The following SLC38A1 variants were observed in gnomAD, a reference collection of about 807,000 sequenced individuals.
SLC38A1 encodes the protein sodium-coupled neutral amino acid symporter 1.
SLC38A1 carries 18 observed loss-of-function variants against 60.3 expected under a neutral mutation model. The observed-to-expected ratio is 0.30, with a 90% CI of 0.21 to 0.44. The LOEUF is 0.44. Among genes scored for constraint, SLC38A1 ranks in the 20% least tolerant of loss-of-function variants. The pLI, the probability that SLC38A1 is intolerant of heterozygous loss-of-function variation, is 1.00. For missense variants in SLC38A1, 448 were observed against 587.2 expected (o/e 0.76, Z 2.45); for synonymous variants, 196 against 212.1 (o/e 0.92, Z 0.66).
chr12:46,201,984 G>A (rs2137071086), intron 12 of SLC38A1, among the ~76,000 whole-genome samples: 1 of 151,556 alleles, frequency 6.6e-6, no homozygotes, highest in East Asian at 1.9e-4. Flanking sequence ...CCTGAGCTCA[G>A]GAGTTCAAGA....
intron 9 of SLC38A1, among the ~76,000 whole-genome samples, 156 bp downstream of exon 9, chr12:46,205,924 T>C (rs867245038): frequency 1.3e-5 from 2 of 152,062 alleles, no homozygotes; most frequent in African/African-American, 4.8e-5. Flanking sequence ...TTTTATCCCA[T>C]ATTAAAGTTG....
At position 46,239,917 on chromosome 12, in the gene SLC38A1, ATAAC is replaced by A. The variant is rs1163305358; in HGVS notation, c.-93-28_-93-25del. On this transcript the variant is annotated intron_variant, in intron 2 of 16. Coordinates refer to ENST00000398637, the MANE Select transcript of SLC38A1 (RefSeq NM_030674.4). ...CCCTAAAATATAGCAAAATAAAAAA[ATAAC>A]TAAACATATGAAACGCTACTGATTA... 34 of 845,720 alleles carry A rather than the reference ATAAC, an allele frequency of 4.0e-5. No homozygotes were observed. In the South Asian group the frequency reaches 4.7e-4, roughly 12 times the overall value. 52.4% of individuals were successfully genotyped at this position (845,720 alleles called of 1,614,324 possible).
At position 46,266,703 on chromosome 12, in the gene SLC38A1, G is replaced by C. The variant is rs192874601; in HGVS notation, c.-209+1823C>G. On this transcript the variant is annotated intron_variant, in intron 1 of 16. Coordinates refer to ENST00000398637, the MANE Select transcript of SLC38A1 (RefSeq NM_030674.4). ...CCTGAGAACGGAAGCTTCATAGAAG[G>C]TGAAACAAATCTTGTTAGTTGCTGC... Among the ~76,000 whole-genome samples, 3 of 152,216 alleles carry C rather than the reference G, an allele frequency of 2.0e-5. No individual in the cohort carries two copies. The East Asian group carries it at 5.8e-4, about 29-fold the overall frequency.
At chr12:46,256,634 C>CAGAGAGAGAGAG (rs538542582) in intron 1 of SLC38A1, among the ~76,000 whole-genome samples, 89 of 50,928 alleles carry the variant, frequency 1.7e-3, no homozygotes, top group Middle Eastern at 0.012. Context: ...CACACACACA[C>CAGAGAGAGAGAG]ACAGAGAGAG....
intron 5 of SLC38A1, among the ~76,000 whole-genome samples, chr12:46,210,875 T>C (rs1481156411): frequency 6.6e-6 from 1 of 152,166 alleles, no homozygotes; most frequent in Non-Finnish European, 1.5e-5. Context: ...AATGTCTTTA[T>C]CAGGAGCATG....
chr12:46,197,628 A>G, intron 16 of SLC38A1, 92 bp downstream of exon 16: 1 of 833,922 alleles, frequency 1.2e-6, no homozygotes, highest in Admixed American at 2.4e-5. Flanking sequence ...AAGGCAACTG[A>G]AAGTAGTCTT....
Position 46,198,073 on chromosome 12 carries a change from A to C in SLC38A1, c.1123-13T>G. ...AAGATGAACGAACCTGCAAGAAAAG[A>C]AAACAAAGATTCTGTAAGTGCCTAC... On this transcript the variant is annotated splice_polypyrimidine_tract_variant and intron_variant, in intron 14 of 16. Coordinates refer to ENST00000398637, the MANE Select transcript of SLC38A1 (RefSeq NM_030674.4). 1 of 1,612,660 alleles carries C rather than the reference A, an allele frequency of 6.2e-7. No homozygotes were observed. The highest frequency in any genetic ancestry group is 8.5e-7 in the Non-Finnish European group (1 of 1,179,576).
rs1938889071 is a variant in SLC38A1, at chr12:46,185,049, T to C, written c.*3921A>G. On this transcript the variant is annotated 3_prime_UTR_variant, in exon 17 of 17. Transcript: ENST00000398637. Reference sequence around the variant, plus strand: ...TCCCTAAAGCCTGGCTCCTGTATGTTGCACCATGAGTCCTAGGAATCATCT... The same window carrying C: ...TCCCTAAAGCCTGGCTCCTGTATGTCGCACCATGAGTCCTAGGAATCATCT... 6.6e-6 allele frequency: 1 copy of C among 152,164 alleles called. No individual in the cohort carries two copies. Among genetic ancestry groups the C allele is most frequent in the South Asian group, 2.1e-4 (1 of 4,822 alleles). The allele number at this position is 152,164 out of a possible 1,614,324, so 9.4% of individuals were successfully genotyped here. A position where few individuals can be genotyped will look rare whatever the true frequency, so the allele number is the denominator to read the frequency against.
intron 5 of SLC38A1, among the ~76,000 whole-genome samples, chr12:46,221,861 T>C (rs1341756394): frequency 6.6e-6 from 1 of 152,150 alleles, no homozygotes; most frequent in Non-Finnish European, 1.5e-5. Flanking sequence ...CCCTTCCACC[T>C]GGGAGGATCA....
At chr12:46,248,612 C>T (rs1221512178) in intron 1 of SLC38A1, among the ~76,000 whole-genome samples, 3 of 152,058 alleles carry the variant, frequency 2.0e-5, no homozygotes, top group Non-Finnish European at 4.4e-5. Context: ...GACAGATCAA[C>T]GAGACAGAAG....
chr12:46,224,207 C>T (rs781407797), intron 5 of SLC38A1, among the ~76,000 whole-genome samples: 81 of 152,148 alleles, frequency 5.3e-4, no homozygotes, highest in Admixed American at 1.3e-3. Flanking sequence ...GGTACTTGTG[C>T]CTCAGTACAT....
At chr12:46,191,359 A>G (rs10467212) in intron 16 of SLC38A1, among the ~76,000 whole-genome samples, 81,679 of 151,982 alleles carry the variant, frequency 0.54, 23,482 homozygotes, top group African/African-American at 0.76. Context: ...GTTTGAAGTC[A>G]GGTAGCATGA....
rs527865158 is a variant in SLC38A1, at chr12:46,183,232, C to T, written c.*5738G>A. 1 of 152,104 alleles carries T rather than the reference C, an allele frequency of 6.6e-6. No homozygotes were observed. Among genetic ancestry groups the T allele is most frequent in the East Asian group, 1.9e-4 (1 of 5,172 alleles). The allele number at this position is 152,104 out of a possible 1,614,324, so 9.4% of individuals were successfully genotyped here. On this transcript the variant is annotated 3_prime_UTR_variant, in exon 17 of 17. Coordinates refer to ENST00000398637, the MANE Select transcript of SLC38A1 (RefSeq NM_030674.4). ...GTGACTTGTGACTCACTTAAATCAC[C>T]CATCTGAAATTCATTTACAAGGTTT...
rs1592286399 is a variant in SLC38A1, at chr12:46,188,647, G to T, written c.*323C>A. On this transcript the variant is annotated 3_prime_UTR_variant, in exon 17 of 17. Transcript: ENST00000398637. ...ATAAATAAACATTATTGTATATCATGTTTTCAAAGTTCTAAGAGACCGGGA... is the reference window on the plus strand; with the variant it reads ...ATAAATAAACATTATTGTATATCATTTTTTCAAAGTTCTAAGAGACCGGGA... The T allele has an allele frequency of 4.9e-6, 1 of 205,568 alleles. No individual in the cohort carries two copies. Among genetic ancestry groups the T allele is most frequent in the African/African-American group, 2.3e-5 (1 of 43,668 alleles). The allele number at this position is 205,568 out of a possible 1,614,324, so 12.7% of individuals were successfully genotyped here.
intron 16 of SLC38A1, chr12:46,195,731 G>C (rs1939343022): frequency 5.1e-6 from 1 of 194,252 alleles, no homozygotes; most frequent in African/African-American, 2.3e-5. Context: ...AGTGAGCAAG[G>C]CTCCGTTGGC....
At chr12:46,212,961 T>C (rs1180498370) in intron 5 of SLC38A1, among the ~76,000 whole-genome samples, 1 of 152,226 alleles carries the variant, frequency 6.6e-6, no homozygotes. Flanking sequence ...ACACCTCTCC[T>C]ACCTAACAGT....
In SLC38A1 at chr12:46,229,694, A is replaced by G. The variant is rs1940997612; in HGVS notation, c.123-55T>C. ...TTATGATAATGATTTGAAGCTTGAC[A>G]TCTTTACTAAATGATATGTTACTCA... is the stretch of plus-strand genomic sequence containing the variant. On this transcript the variant is annotated intron_variant, in intron 3 of 16. Coordinates refer to ENST00000398637, the MANE Select transcript of SLC38A1 (RefSeq NM_030674.4). The G allele has an allele frequency of 4.9e-6, 7 of 1,424,602 alleles. No homozygotes were observed. The East Asian group carries it at 6.8e-5, about 14-fold the overall frequency. The allele number at this position is 1,424,602 out of a possible 1,614,324, so 88.2% of individuals were successfully genotyped here.
At chr12:46,247,064 C>G (rs1428083533) in intron 1 of SLC38A1, among the ~76,000 whole-genome samples, 1 of 152,140 alleles carries the variant, frequency 6.6e-6, no homozygotes, top group Non-Finnish European at 1.5e-5. Flanking sequence ...GATAAAACCA[C>G]AAAGATGGGG....
At position 46,189,018 on chromosome 12, in the gene SLC38A1, C is replaced by A. The variant is rs1447213282; in HGVS notation, c.1416G>T (p.Leu472Phe). 6.2e-7 allele frequency: 1 copy of A among 1,613,478 alleles called. No individual in the cohort carries two copies. The highest frequency in any genetic ancestry group is 8.5e-7 in the Non-Finnish European group (1 of 1,179,776). Reference sequence around the variant, plus strand: ...ATGAGCAGGCCCAGTCATAGATGACCAAGGGAATGCTGACCAAGGAGAACA... The same window carrying A: ...ATGAGCAGGCCCAGTCATAGATGACAAAGGGAATGCTGACCAAGGAGAACA... ...GVLFSLVSIP[L>F]VIYDWACSSS... The change falls in exon 17 of 17, where the codon TTG (leucine) becomes TTT (phenylalanine). Residue 472 changes from leucine to phenylalanine, a missense_variant. Physicochemically the swap from Leu to Phe is conservative, Grantham distance 22. Coordinates refer to ENST00000398637, the MANE Select transcript of SLC38A1 (RefSeq NM_030674.4).
Sources: allele counts gnomAD v4.1 joint callset (sites outside exome capture counted in the v4.1 genomes callset), GRCh38; gene constraint gnomAD v4.1.1; transcripts MANE v1.5; gene names NCBI Gene and HGNC (gene_info 2026-07-23, HGNC 2026-07-21).